Variants in CAP2 observed in about 807,000 individuals in gnomAD.
CAP2 encodes adenylyl cyclase-associated protein 2.
In CAP2, 24 loss-of-function variants were observed where a neutral mutation model predicts 57.7. The observed-to-expected ratio is 0.42, with a 90% CI of 0.30 to 0.58. The LOEUF is 0.58. Among genes scored for constraint, CAP2 ranks in the 20% least tolerant of loss-of-function variants. CAP2 has a pLI of 0.22. For synonymous variants in CAP2, 194 were observed against 207.2 expected (o/e 0.94, Z 0.55); for missense variants, 501 against 590.3 (o/e 0.85, Z 1.57).
At chr6:17,443,204 A>C (rs1760142846) in intron 3 of CAP2, among the ~76,000 whole-genome samples, 1 of 152,146 alleles carries the variant, frequency 6.6e-6, no homozygotes, top group Admixed American at 6.6e-5. Flanking sequence ...GTGGGCCACT[A>C]TCACGGTATT....
chr6:17,464,831 G>A (rs900446318), intron 4 of CAP2, among the ~76,000 whole-genome samples: 1 of 152,196 alleles, frequency 6.6e-6, no homozygotes, highest in East Asian at 1.9e-4. Flanking sequence ...ATCACAAAGC[G>A]ATGTGTTGTA....
chr6:17,521,275 C>T (rs917603440), intron 7 of CAP2, among the ~76,000 whole-genome samples: 11 of 151,998 alleles, frequency 7.2e-5, no homozygotes, highest in African/African-American at 1.9e-4. Flanking sequence ...AAAAATTAGC[C>T]GCACAAGGTG....
At chr6:17,485,345 G>A (rs1401833220) in intron 4 of CAP2, among the ~76,000 whole-genome samples, 4 of 152,208 alleles carry the variant, frequency 2.6e-5, no homozygotes, top group Non-Finnish European at 5.9e-5. Flanking sequence ...CAGATGTTCA[G>A]TTACAGAACT....
chr6:17,480,837 C>A (rs1478505533), intron 4 of CAP2, among the ~76,000 whole-genome samples: 3 of 148,612 alleles, frequency 2.0e-5, no homozygotes, highest in African/African-American at 7.5e-5. Context: ...TGCAATGGCA[C>A]AATCTCGGCT....
At chr6:17,432,956 CCT>C (rs1361846783) in intron 3 of CAP2, among the ~76,000 whole-genome samples, 1 of 141,398 alleles carries the variant, frequency 7.1e-6, no homozygotes, top group Non-Finnish European at 1.5e-5. Flanking sequence ...TCCCTCCCTC[CCT>C]CTCTCCCCCC....
intron 8 of CAP2, among the ~76,000 whole-genome samples, chr6:17,540,369 C>T (rs927120848): frequency 1.1e-4 from 17 of 151,914 alleles, no homozygotes; most frequent in Admixed American, 2.0e-4. Context: ...AAGACATGAT[C>T]CTTTTTCGTG....
chr6:17,542,199 G>A (rs140177970), intron 9 of CAP2, among the ~76,000 whole-genome samples: 102 of 152,250 alleles, frequency 6.7e-4, no homozygotes, highest in Non-Finnish European at 1.2e-3. Context: ...AAGACAGACC[G>A]TTAATATATG....
At chr6:17,529,651 A>ATATAT (rs1554129489) in intron 7 of CAP2, among the ~76,000 whole-genome samples, 5 of 134,538 alleles carry the variant, frequency 3.7e-5, no homozygotes, top group African/African-American at 1.5e-4. Flanking sequence ...AAAAAAAAAA[A>ATATAT]ATATATATAT....
chr6:17,536,131 G>A (rs1480666227), intron 7 of CAP2: 1 of 451,770 alleles, frequency 2.2e-6, no homozygotes, highest in Non-Finnish European at 4.5e-6. Flanking sequence ...CCTTCTCTCT[G>A]TTTTTTCTTG....
intron 4 of CAP2, among the ~76,000 whole-genome samples, chr6:17,487,747 A>C (rs1164037121): frequency 6.6e-6 from 1 of 152,128 alleles, no homozygotes; most frequent in Non-Finnish European, 1.5e-5. Flanking sequence ...CTGGGATTTC[A>C]GACATGAGCC....
In CAP2 at chr6:17,424,075, A is replaced by AT. The variant is rs200897186; in HGVS notation, c.121+2409dup. Among the ~76,000 whole-genome samples the AT allele has an allele frequency of 4.5e-3, 671 of 150,596 alleles. 6 individuals are homozygous for AT. Among genetic ancestry groups the AT allele is most frequent in the African/African-American group, 0.015 (622 of 41,110 alleles). On this transcript the variant is annotated intron_variant, in intron 2 of 12. Coordinates refer to ENST00000229922, the MANE Select transcript of CAP2 (RefSeq NM_006366.3). ...TTACGACAATGTTATAACAAAAGTTATTTTTTTTTTAATTTTAAAAGAAAC... is the reference window on the plus strand; with the variant it reads ...TTACGACAATGTTATAACAAAAGTTATTTTTTTTTTTAATTTTAAAAGAAAC...
At chr6:17,505,431 G>A (rs1032510208) in intron 4 of CAP2, among the ~76,000 whole-genome samples, 2 of 152,148 alleles carry the variant, frequency 1.3e-5, no homozygotes, top group African/African-American at 4.8e-5. Context: ...AAATCACCTG[G>A]GAAGCTTAAA....
At chr6:17,480,024 C>T (rs1761249727) in intron 4 of CAP2, among the ~76,000 whole-genome samples, 1 of 152,022 alleles carries the variant, frequency 6.6e-6, no homozygotes, top group Non-Finnish European at 1.5e-5. Context: ...TACAGTATGG[C>T]CTCTTCAACC....
intron 4 of CAP2, among the ~76,000 whole-genome samples, chr6:17,488,521 T>G (rs1024208229): frequency 6.6e-6 from 1 of 152,172 alleles, no homozygotes; most frequent in African/African-American, 2.4e-5. Flanking sequence ...AATTAGTCAT[T>G]TATTGTAATT....
At chr6:17,398,483 T>A (rs1315726206) in intron 1 of CAP2, among the ~76,000 whole-genome samples, 1 of 152,108 alleles carries the variant, frequency 6.6e-6, no homozygotes, top group Non-Finnish European at 1.5e-5. Flanking sequence ...AATTTTAAAA[T>A]TACTTTTACT....
rs116392826 is a variant in CAP2, at chr6:17,518,734, C to T, written c.636+4780C>T. 4.5e-3 allele frequency among the ~76,000 whole-genome samples: 687 copies of T among 152,120 alleles called. 10 individuals are homozygous for T. Among genetic ancestry groups the T allele is most frequent in the African/African-American group, 0.016 (656 of 41,506 alleles). ...CTCACTGCAACCTTGACCTCTTGGA[C>T]TCTAATGATCCTCCTGCCTCAGCCT... On this transcript the variant is annotated intron_variant, in intron 7 of 12. Transcript: ENST00000229922.
rs532577990 is a variant in CAP2 at position 17,492,490 on chromosome 6, C to T, written c.301-14679C>T. Among the ~76,000 whole-genome samples, 103 of 152,288 alleles carry T rather than the reference C, an allele frequency of 6.8e-4. 2 individuals are homozygous for T. In the South Asian group the frequency reaches 0.018, roughly 26 times the overall value. On this transcript the variant is annotated intron_variant, in intron 4 of 12. Transcript: ENST00000229922. ...TATTATATCCTGGACTATGTGCCGG[C>T]GTCCAAAGTGGCTGGAATTGAAAGT...
intron 1 of CAP2, among the ~76,000 whole-genome samples, chr6:17,401,784 C>T (rs1281502199): frequency 1.3e-5 from 2 of 152,166 alleles, no homozygotes; most frequent in South Asian, 4.1e-4. Context: ...TAGTACTCCT[C>T]TCTGTGTTCA....
At chr6:17,496,733 C>T (rs1413551404) in intron 4 of CAP2, among the ~76,000 whole-genome samples, 4 of 152,140 alleles carry the variant, frequency 2.6e-5, no homozygotes, top group Non-Finnish European at 4.4e-5. Flanking sequence ...ATCAGTGGCT[C>T]GGTACAATAA....
Sources: gnomAD v4.1 joint callset for allele counts (sites outside exome capture counted in the v4.1 genomes callset) on GRCh38, gnomAD v4.1.1 for gene constraint, MANE v1.5 for transcripts, NCBI Gene and HGNC (gene_info 2026-07-23, HGNC 2026-07-21) for gene names.